GYS1: variants seen among roughly 807,000 people sequenced by gnomAD.
The protein encoded by GYS1 is glycogen [starch] synthase, muscle.
Under a neutral mutation model 89.1 loss-of-function variants are expected in GYS1, and 60 were observed. The ratio of observed to expected loss-of-function variants is 0.67; its 90% CI spans 0.55 to 0.84. GYS1 has a LOEUF of 0.84. Ranked by LOEUF, GYS1 falls within the 40% of genes least tolerant of loss-of-function variation. The pLI, the probability that GYS1 is intolerant of heterozygous loss-of-function variation, is 0.00. For synonymous variants in GYS1, 366 were observed against 401.7 expected, an observed-to-expected ratio of 0.91 and a Z score of 1.06; for missense variants, 888 against 1,003.1, an observed-to-expected ratio of 0.89 and a Z score of 1.55.
At chr19:48,977,797 T>C in intron 10 of GYS1, 127 bp downstream of exon 10, 1 of 758,942 alleles carries the variant, frequency 1.3e-6, no homozygotes, top group Non-Finnish European at 2.4e-6. Flanking sequence ...TCAGAATAGA[T>C]CCCTTCATAA....
chr19:48,974,446 T>G, intron 11 of GYS1, 107 bp from the exon 12 acceptor site: 2 of 1,328,248 alleles, frequency 1.5e-6, no homozygotes, highest in South Asian at 2.4e-5. Flanking sequence ...TCACACAGCA[T>G]GTGTTTGGCA....
chr19:48,976,288 CAATGTA>C (rs1245141014), intron 10 of GYS1, among the ~76,000 whole-genome samples: 3 of 152,086 alleles, frequency 2.0e-5, no homozygotes, highest in Non-Finnish European at 4.4e-5. Context: ...AATGGCTCCC[CAATGTA>C]GACCACAAGT....
At chr19:48,983,280 C>T (rs1318077023) in intron 5 of GYS1, among the ~76,000 whole-genome samples, 1 of 152,170 alleles carries the variant, frequency 6.6e-6, no homozygotes, top group Non-Finnish European at 1.5e-5. Context: ...TGTGAGCCAC[C>T]ATGCCTGGCC....
At position 48,974,244 on chromosome 19, in the gene GYS1, G is replaced by A. The variant is rs920576632; in HGVS notation, c.1518C>T (p.Pro506=). ...TGTAGCCCCAAGGCTCATAGTAGGA[G>A]GGGAAGACTCCAAGGTGACAGCCAC... is the stretch of plus-strand genomic sequence containing the variant. ...FVRGCHLGVF[P]SYYEPWGYTP... The change falls in exon 12 of 16, where the codon CCC becomes CCT. Residue 506 remains proline, a synonymous_variant. Transcript: ENST00000323798. 3 of 1,611,794 alleles carry A rather than the reference G, an allele frequency of 1.9e-6. No homozygotes were observed. The highest frequency in any genetic ancestry group is 2.5e-6 in the Non-Finnish European group (3 of 1,179,018).
Position 48,981,591 on chromosome 19 carries a change from C to T in GYS1, c.1108G>A (p.Ala370Thr). 6.2e-7 allele frequency: 1 copy of T among 1,613,766 alleles called. No individual in the cohort carries two copies. The highest frequency in any genetic ancestry group is 8.5e-7 in the Non-Finnish European group (1 of 1,179,658). The change falls in exon 8 of 16, where the codon GCG becomes ACG. Residue 370 changes from alanine to threonine, a missense_variant. Transcript: ENST00000323798. ...TCCACGTTGAAATTGTTGGTCCGCG[C>T]TGGCATGATGAAGAAGGCAACCACT... ...QTVVAFFIMP[A>T]RTNNFNVETL...
rs1300009345 is a variant in GYS1 at position 48,985,920 on chromosome 19, G to A, written c.608C>T (p.Thr203Ile). The A allele has an allele frequency of 1.9e-6, 3 of 1,614,174 alleles. No homozygotes were observed. The highest frequency in any genetic ancestry group is 2.5e-6 in the Non-Finnish European group (3 of 1,180,040). The part of the protein sequence containing the change: ...ARRLPVATIF[T>I]THATLLGRYL... ...GCGCCCCAGCAGCGTGGCATGGGTG[G>A]TGAAGATGGTTGCTACAGGCAGTCG... Residue 203 changes from threonine (T) to isoleucine (I), a missense_variant, in exon 4 of 16, where the codon ACC (threonine) becomes ATC (isoleucine). Coordinates refer to ENST00000323798, the MANE Select transcript of GYS1 (RefSeq NM_002103.5).
chr19:48,988,640 G>T (rs767297459), intron 2 of GYS1, among the ~76,000 whole-genome samples: 1 of 152,056 alleles, frequency 6.6e-6, no homozygotes, highest in African/African-American at 2.4e-5. Context: ...TCAGAGACGG[G>T]GTCTTGCTCT....
At chr19:48,984,666 T>A (rs2038814302) in intron 5 of GYS1, among the ~76,000 whole-genome samples, 2 of 152,010 alleles carry the variant, frequency 1.3e-5, no homozygotes, top group African/African-American at 4.8e-5. Flanking sequence ...AGTGTTGGGA[T>A]TACAGGTGTG....
rs571471096 is a variant in GYS1, at chr19:48,973,662, G to A, written c.1549+551C>T. Among the ~76,000 whole-genome samples the A allele has an allele frequency of 1.5e-3, 234 of 152,054 alleles. 1 individual carries two copies. The highest frequency in any genetic ancestry group is 5.4e-3 in the African/African-American group (226 of 41,482). ...GCCTCCCAAGTAGCTGAGACTACAG[G>A]TGCGTACCACCACACCTGGCTAATT... On this transcript the variant is annotated intron_variant, in intron 12 of 15. Transcript: ENST00000323798.
At chr19:48,971,044 G>C (rs965362204) in intron 12 of GYS1, 21 bp from the exon 13 acceptor site, 1 of 1,531,074 alleles carries the variant, frequency 6.5e-7, no homozygotes, top group South Asian at 1.1e-5. Flanking sequence ...GCAGGAGAGA[G>C]ACCCACTTAG....
Position 48,978,157 on chromosome 19 carries a change from C to T in GYS1, c.1170G>A (p.Trp390Ter). The T allele has an allele frequency of 1.2e-6, 2 of 1,613,534 alleles. No homozygotes were observed. Among genetic ancestry groups the T allele is most frequent in the Non-Finnish European group, 1.7e-6 (2 of 1,179,500 alleles). The change falls in exon 9 of 16, where the codon TGG (tryptophan) becomes TGA (stop). Residue 390 changes from tryptophan to a stop codon, truncating the protein, a stop_gained and splice_region_variant. Coordinates refer to ENST00000323798, the MANE Select transcript of GYS1 (RefSeq NM_002103.5). LOFTEE classifies it high-confidence loss of function. Reference sequence around the variant, plus strand: ...TTTCCTTCACCGTGTTGGCCGTGTCCCTGGAGGAAGCAGAGCAACAGGGTC... The same window carrying T: ...TTTCCTTCACCGTGTTGGCCGTGTCTCTGGAGGAAGCAGAGCAACAGGGTC... The part of the protein sequence containing the change: ...LKGQAVRKQL[W>*]DTANTVKEKF...
chr19:48,979,542 G>C (rs1231458440), intron 8 of GYS1, among the ~76,000 whole-genome samples: 1 of 150,676 alleles, frequency 6.6e-6, no homozygotes, highest in African/African-American at 2.4e-5. Flanking sequence ...TCACCACGTT[G>C]ACCAGGCTGA....
Position 48,969,800 on chromosome 19 carries a change from G to C in GYS1, c.1865C>G (p.Thr622Ser). The C allele has an allele frequency of 6.2e-7, 1 of 1,614,042 alleles. No individual in the cohort carries two copies. The highest frequency in any genetic ancestry group is 1.3e-5 in the African/African-American group (1 of 75,042). The change falls in exon 15 of 16, where the codon ACC (threonine) becomes AGC (serine). Residue 622 changes from threonine (T) to serine (S), a missense_variant. Coordinates refer to ENST00000323798, the MANE Select transcript of GYS1 (RefSeq NM_002103.5). The stretch of plus-strand genomic sequence containing the variant: ...CGCATCCGCCTCGTTGGGCTCGTAG[G>C]TGAAGTGCTCTGGAAAGGCCTTGGA... ...ALSKAFPEHF[T>S]YEPNEADAAQ...
intron 6 of GYS1, 148 bp downstream of exon 6, chr19:48,982,572 G>T (rs2038783283): frequency 2.3e-6 from 2 of 857,766 alleles, no homozygotes; most frequent in Admixed American, 2.1e-5. Context: ...CATTGTTCCA[G>T]CGCTCAAGAA....
At chr19:48,977,524 C>G (rs1353926869) in intron 10 of GYS1, among the ~76,000 whole-genome samples, 1 of 152,064 alleles carries the variant, frequency 6.6e-6, no homozygotes, top group African/African-American at 2.4e-5. Context: ...ACCCAGGAGG[C>G]AGAGGTTGCA....
At chr19:48,985,372 A>G (rs2038825485) in intron 5 of GYS1, 89 bp downstream of exon 5, 3 of 1,335,174 alleles carry the variant, frequency 2.2e-6, no homozygotes, top group Middle Eastern at 1.8e-4. Flanking sequence ...TTCAACTTAC[A>G]GTGGGCTTCT....
At position 48,993,289 on chromosome 19, in the gene GYS1, GA is replaced by G. The variant is rs2038973419; in HGVS notation, c.-178del. 1.5e-6 allele frequency: 1 copy of G among 685,822 alleles called. No individual in the cohort carries two copies. Among genetic ancestry groups the G allele is most frequent in the African/African-American group, 1.7e-5 (1 of 57,154 alleles). The allele number at this position is 685,822 out of a possible 1,614,324, so 42.5% of individuals were successfully genotyped here. A position where few individuals can be genotyped will look rare whatever the true frequency, so the allele number is the denominator to read the frequency against. Reference sequence around the variant, plus strand: ...GCCCCGAAGCGTTGGGACCTAGGCAGAAGGAGGCCGCAGCGTCACTGAGCCC... The same window carrying G: ...GCCCCGAAGCGTTGGGACCTAGGCAGAGGAGGCCGCAGCGTCACTGAGCCC... On this transcript the variant is annotated 5_prime_UTR_variant, in exon 1 of 16. Transcript: ENST00000323798.
In GYS1 at chr19:48,968,808, T is replaced by TC; in HGVS notation, c.*479_*480insG. On this transcript the variant is annotated 3_prime_UTR_variant, in exon 16 of 16. Transcript: ENST00000323798. The stretch of plus-strand genomic sequence containing the variant: ...CTCAGTTACCTTCAAACTCTGAAAG[T>TC]GCCCCGGCTCTGGACTTGATCGCCC... The TC allele has an allele frequency of 2.2e-6, 1 of 455,710 alleles. No homozygotes were observed. Among genetic ancestry groups the TC allele is most frequent in the Non-Finnish European group, 4.4e-6 (1 of 228,006 alleles). The allele number at this position is 455,710 out of a possible 1,614,324, so 28.2% of individuals were successfully genotyped here.
intron 3 of GYS1, among the ~76,000 whole-genome samples, chr19:48,986,760 G>A (rs2038849432): frequency 6.6e-6 from 1 of 152,082 alleles, no homozygotes; most frequent in South Asian, 2.1e-4. Context: ...GCCTCCCAAA[G>A]TGCTGGGATT....
Sources: allele counts gnomAD v4.1 joint callset (sites outside exome capture counted in the v4.1 genomes callset), GRCh38; gene constraint gnomAD v4.1.1; transcripts MANE v1.5; gene names NCBI Gene and HGNC (gene_info 2026-07-23, HGNC 2026-07-21).